Variants in CSMD1 observed in about 807,000 individuals in gnomAD.
CSMD1 encodes the protein CUB and sushi domain-containing protein 1.
Under a neutral mutation model 417.5 loss-of-function variants are expected in CSMD1, and 213 were observed. The ratio of observed to expected loss-of-function variants is 0.51; its 90% CI spans 0.46 to 0.57. The LOEUF (loss-of-function observed/expected upper bound fraction) is 0.57, where lower values mean the gene tolerates loss of function less well. Among genes scored for constraint, CSMD1 ranks in the 20% least tolerant of loss-of-function variants. The probability of loss-of-function intolerance (pLI) is 0.00; values close to 1 mark genes in which losing one functional copy is unlikely to be tolerated. For missense variants in CSMD1, 6,923 were observed against 4,529.7 expected (o/e 1.53, Z -15.17); for synonymous variants, 2,862 against 1,736.8 (o/e 1.65, Z -16.11).
intron 50 of CSMD1, among the ~76,000 whole-genome samples, chr8:3,037,005 C>G (rs568991438): frequency 1.1e-4 from 17 of 152,240 alleles, no homozygotes; most frequent in Admixed American, 4.6e-4. Flanking sequence ...CCCCAGAGTC[C>G]ACTGTATCAT....
intron 40 of CSMD1, among the ~76,000 whole-genome samples, chr8:3,146,668 G>C (rs1259809031): frequency 6.6e-6 from 1 of 152,140 alleles, no homozygotes; most frequent in Non-Finnish European, 1.5e-5. Flanking sequence ...GACAGGCTGT[G>C]TGGGTCACTG....
At chr8:4,145,633 G>T (rs988960186) in intron 3 of CSMD1, among the ~76,000 whole-genome samples, 1 of 150,810 alleles carries the variant, frequency 6.6e-6, no homozygotes, top group African/African-American at 2.5e-5. Context: ...AAGCGATCCT[G>T]CCCACTTGGC....
chr8:4,334,018 G>C (rs1466874898), intron 3 of CSMD1, among the ~76,000 whole-genome samples: 1 of 151,980 alleles, frequency 6.6e-6, no homozygotes, highest in African/African-American at 2.4e-5. Flanking sequence ...AGACTCCTGA[G>C]TACCTGGGAC....
At chr8:4,571,372 T>C (rs762401229) in intron 2 of CSMD1, among the ~76,000 whole-genome samples, 1 of 152,202 alleles carries the variant, frequency 6.6e-6, no homozygotes, top group Non-Finnish European at 1.5e-5. Flanking sequence ...AAAGAACTTA[T>C]TTATTTCTGC....
intron 3 of CSMD1, among the ~76,000 whole-genome samples, chr8:4,276,414 A>G (rs1796490590): frequency 6.6e-6 from 1 of 152,138 alleles, no homozygotes; most frequent in African/African-American, 2.4e-5. Flanking sequence ...CATAAGTGGG[A>G]GTTGAACAAT....
chr8:4,516,187 G>T (rs1229974287), intron 2 of CSMD1, among the ~76,000 whole-genome samples: 20 of 152,096 alleles, frequency 1.3e-4, no homozygotes, highest in Admixed American at 1.3e-3. Context: ...CCTAATAAGA[G>T]AAGATAAGAA....
intron 1 of CSMD1, among the ~76,000 whole-genome samples, chr8:4,932,875 G>T (rs1387437174): frequency 6.6e-6 from 1 of 152,194 alleles, no homozygotes; most frequent in Non-Finnish European, 1.5e-5. Context: ...ATAGGAAAAT[G>T]CAATATTAAT....
chr8:3,426,969 G>A (rs1290862626), intron 12 of CSMD1, among the ~76,000 whole-genome samples: 1 of 152,134 alleles, frequency 6.6e-6, no homozygotes, highest in Non-Finnish European at 1.5e-5. Flanking sequence ...GAAGCAAAGT[G>A]CCTTCTTCAC....
At chr8:3,615,423 A>T (rs928779076) in intron 8 of CSMD1, among the ~76,000 whole-genome samples, 2 of 152,298 alleles carry the variant, frequency 1.3e-5, no homozygotes, top group Admixed American at 6.5e-5. Context: ...AATCACTTCA[A>T]TAAGAAATTT....
intron 5 of CSMD1, among the ~76,000 whole-genome samples, chr8:3,764,530 A>G (rs773506401): frequency 6.6e-6 from 1 of 152,106 alleles, no homozygotes; most frequent in Non-Finnish European, 1.5e-5. Context: ...CACCTGAGAC[A>G]TCACCAGGTG....
chr8:3,952,627 G>A (rs1471078644), intron 5 of CSMD1, among the ~76,000 whole-genome samples: 1 of 152,124 alleles, frequency 6.6e-6, no homozygotes, highest in African/African-American at 2.4e-5. Context: ...ATTCCTTAAT[G>A]GGTAGAGCTG....
At chr8:4,093,350 T>C (rs925887130) in intron 3 of CSMD1, among the ~76,000 whole-genome samples, 2 of 152,172 alleles carry the variant, frequency 1.3e-5, no homozygotes, top group Non-Finnish European at 2.9e-5. Flanking sequence ...TGTAGAAGAA[T>C]AATGAAAGTT....
chr8:4,597,215 G>T (rs992673018), intron 2 of CSMD1, among the ~76,000 whole-genome samples: 3 of 152,066 alleles, frequency 2.0e-5, no homozygotes, highest in Non-Finnish European at 4.4e-5. Flanking sequence ...ATAATAAAGT[G>T]TGTAATTTCT....
At chr8:3,090,295 C>T (rs558828021) in intron 48 of CSMD1, among the ~76,000 whole-genome samples, 56 of 111,386 alleles carry the variant, frequency 5.0e-4, no homozygotes, top group African/African-American at 1.6e-3. Flanking sequence ...CCAGCCTGGG[C>T]AACAGAGCCA....
intron 6 of CSMD1, among the ~76,000 whole-genome samples, chr8:3,738,264 C>T (rs186262555): frequency 5.3e-5 from 8 of 152,202 alleles, no homozygotes; most frequent in South Asian, 4.2e-4. Context: ...CAGAAAATAG[C>T]GACGATCACA....
At chr8:4,950,372 G>A (rs936821704) in intron 1 of CSMD1, among the ~76,000 whole-genome samples, 2 of 151,976 alleles carry the variant, frequency 1.3e-5, no homozygotes, top group Non-Finnish European at 2.9e-5. Flanking sequence ...ATAAGTAGAG[G>A]GTTAATTCAT....
At chr8:3,691,321 C>A (rs1218135337) in intron 7 of CSMD1, among the ~76,000 whole-genome samples, 1 of 151,656 alleles carries the variant, frequency 6.6e-6, no homozygotes, top group African/African-American at 2.4e-5. Context: ...GAGCCGGGAT[C>A]GTGCCACTGC....
intron 3 of CSMD1, among the ~76,000 whole-genome samples, chr8:4,219,721 T>C (rs1387036142): frequency 1.3e-5 from 2 of 152,308 alleles, no homozygotes; most frequent in East Asian, 3.9e-4. Flanking sequence ...GGGACTGTCT[T>C]CACAATGTAA....
At chr8:4,263,293 C>G (rs551935178) in intron 3 of CSMD1, among the ~76,000 whole-genome samples, 24 of 152,202 alleles carry the variant, frequency 1.6e-4, no homozygotes, top group South Asian at 8.3e-4. Flanking sequence ...ATGTACGGTA[C>G]AGATTTACTC....
Sources: gnomAD v4.1 joint callset for allele counts (sites outside exome capture counted in the v4.1 genomes callset) on GRCh38, gnomAD v4.1.1 for gene constraint, MANE v1.5 for transcripts, NCBI Gene and HGNC (gene_info 2026-07-23, HGNC 2026-07-21) for gene names.